PASD1: variants seen among roughly 807,000 people sequenced by gnomAD.
PASD1 encodes the protein circadian clock protein PASD1.
In PASD1, 13 loss-of-function variants were observed where a neutral mutation model predicts 58.8. That is an observed-to-expected ratio of 0.22 (90% CI 0.14 to 0.35). The LOEUF (loss-of-function observed/expected upper bound fraction) is 0.35, where lower values mean the gene tolerates loss of function less well. PASD1 is among the 10% of genes least tolerant of loss of function. PASD1 has a pLI of 1.00. For synonymous variants in PASD1, 236 were observed against 216.7 expected, an observed-to-expected ratio of 1.09 and a Z score of -0.78; for missense variants, 734 against 568.3, an observed-to-expected ratio of 1.29 and a Z score of -2.96.
rs780533404 is a variant in PASD1 at position 151,621,557 on chromosome X, T to C, written c.383T>C (p.Val128Ala). Residue 128 changes from valine to alanine, a missense_variant, in exon 6 of 16, where the codon GTG (valine) becomes GCG (alanine). Transcript: ENST00000370357. ...EHGDSSAYEN[V>A]KFIVNVRDIC... The stretch of plus-strand genomic sequence containing the variant: ...GGTGATAGTTCTGCTTACGAAAACG[T>C]GAAATTTATTGTGAATGTAAGAGAT... The C allele has an allele frequency of 2.2e-5, 27 of 1,201,464 alleles. No homozygotes were observed. Among genetic ancestry groups the C allele is most frequent in the Non-Finnish European group, 2.9e-5 (26 of 889,690 alleles).
chrX:151,644,418 C>G (rs1299326704), intron 8 of PASD1, among the ~76,000 whole-genome samples: 1 of 112,031 alleles, frequency 8.9e-6, no homozygotes, highest in Non-Finnish European at 1.9e-5. Context: ...TTTCAAGTCA[C>G]AAAACCCAGG....
chrX:151,669,176 G>GTA (rs773707851), intron 11 of PASD1, among the ~76,000 whole-genome samples: 2,454 of 101,436 alleles, frequency 0.024, 65 homozygotes, highest in African/African-American at 0.079. Context: ...ATGTGTGTGT[G>GTA]TATATATATA....
intron 4 of PASD1, among the ~76,000 whole-genome samples, chrX:151,615,799 T>A (rs2013630268): frequency 8.9e-6 from 1 of 112,387 alleles, no homozygotes; most frequent in Non-Finnish European, 1.9e-5. Flanking sequence ...TAGCTTTGTT[T>A]CTCTCTAACT....
intron 1 of PASD1, among the ~76,000 whole-genome samples, chrX:151,575,569 G>T (rs759248273): frequency 9.0e-6 from 1 of 111,421 alleles, no homozygotes; most frequent in African/African-American, 3.3e-5. Context: ...CTATGTACTT[G>T]TAATGGAAGT....
Position 151,659,751 on chromosome X carries a change from A to G in PASD1, c.756A>G (p.Pro252=). The G allele has an allele frequency of 8.3e-7, 1 of 1,202,996 alleles. No homozygotes were observed. Among genetic ancestry groups the G allele is most frequent in the Non-Finnish European group, 1.1e-6 (1 of 887,566 alleles). Residue 252 remains proline (P), a synonymous_variant, in exon 10 of 16, where the codon CCA becomes CCG. Transcript: ENST00000370357. ...TTGCAGAGGTTGAGCAGTATGGACCACAAGAAAACGTTCACATGTTTGTAG... is the reference window on the plus strand; with the variant it reads ...TTGCAGAGGTTGAGCAGTATGGACCGCAAGAAAACGTTCACATGTTTGTAG... The part of the protein sequence containing the change: ...IDIAEVEQYG[P]QENVHMFVDS...
At chrX:151,622,417 A>G (rs758593450) in intron 6 of PASD1, among the ~76,000 whole-genome samples, 1 of 111,161 alleles carries the variant, frequency 9.0e-6, no homozygotes, top group Non-Finnish European at 1.9e-5. Flanking sequence ...TCAGAATGGG[A>G]AAAATTAGAA....
intron 1 of PASD1, among the ~76,000 whole-genome samples, chrX:151,564,889 C>A (rs1463146409): frequency 9.0e-6 from 1 of 111,045 alleles, no homozygotes; most frequent in African/African-American, 3.3e-5. Flanking sequence ...AAACTTCCTT[C>A]AAAAATTACA....
intron 1 of PASD1, among the ~76,000 whole-genome samples, chrX:151,568,297 G>A (rs968370325): frequency 8.9e-6 from 1 of 111,744 alleles, no homozygotes; most frequent in African/African-American, 3.3e-5. Context: ...ACGTTGATGA[G>A]TTTTTCTTCT....
chrX:151,603,276 A>G (rs1257737695), intron 2 of PASD1, among the ~76,000 whole-genome samples: 1 of 112,610 alleles, frequency 8.9e-6, no homozygotes, highest in African/African-American at 3.2e-5. Context: ...CTTTAACAAC[A>G]GGTACTGAAT....
rs182928155 is a variant in PASD1 at position 151,630,133 on chromosome X, A to G, written c.629+4603A>G. ...TATCATGTAGGAAGTAAGATAGAAA[A>G]TGACACTTAGGGAAAAAGCGGATGC... On this transcript the variant is annotated intron_variant, in intron 8 of 15. Coordinates refer to ENST00000370357, the MANE Select transcript of PASD1 (RefSeq NM_173493.3). Among the ~76,000 whole-genome samples the G allele has an allele frequency of 2.4e-4, 27 of 112,362 alleles. No individual in the cohort carries two copies. In the East Asian group the frequency reaches 7.0e-3, roughly 29 times the overall value.
intron 8 of PASD1, among the ~76,000 whole-genome samples, chrX:151,630,497 C>T (rs1451116397): frequency 8.9e-6 from 1 of 112,343 alleles, no homozygotes; most frequent in East Asian, 2.8e-4. Flanking sequence ...AACCAGTACC[C>T]TATTGCTTGA....
chrX:151,649,582 G>A (rs2014105994), intron 9 of PASD1, among the ~76,000 whole-genome samples: 1 of 111,967 alleles, frequency 8.9e-6, no homozygotes, highest in South Asian at 3.8e-4. Flanking sequence ...ATAATAGAAT[G>A]AAACCTCTGT....
chrX:151,636,638 A>G (rs2013934311), intron 8 of PASD1, among the ~76,000 whole-genome samples: 1 of 111,730 alleles, frequency 9.0e-6, no homozygotes, highest in Non-Finnish European at 1.9e-5. Context: ...TCCTTACCTC[A>G]GGTGATCCAC....
At chrX:151,662,564 T>G (rs1386753295) in intron 10 of PASD1, among the ~76,000 whole-genome samples, 4 of 111,341 alleles carry the variant, frequency 3.6e-5, no homozygotes. Flanking sequence ...AGGAAAGATG[T>G]CTATTCATAC....
At chrX:151,663,458 A>G (rs73239684) in intron 10 of PASD1, among the ~76,000 whole-genome samples, 29,810 of 111,435 alleles carry the variant, frequency 0.27, 3,639 homozygotes, top group Non-Finnish European at 0.39. Flanking sequence ...CCTGTAAAAG[A>G]ACATCTGGAT....
intron 1 of PASD1, among the ~76,000 whole-genome samples, chrX:151,597,317 T>C (rs1417891089): frequency 8.9e-6 from 1 of 112,321 alleles, no homozygotes; most frequent in Admixed American, 9.4e-5. Flanking sequence ...TTATTTTCTG[T>C]GGATGGATTT....
rs146794038 is a variant in PASD1, at chrX:151,608,450, T to C, written c.118-3214T>C. Among the ~76,000 whole-genome samples, 88 of 111,882 alleles carry C rather than the reference T, an allele frequency of 7.9e-4. 1 individual carries two copies. Among genetic ancestry groups the C allele is most frequent in the Non-Finnish European group, 1.2e-3 (65 of 53,147 alleles). On this transcript the variant is annotated intron_variant, in intron 3 of 15. Transcript: ENST00000370357. ...CTGGAAACGAATCACTTGCTAGTTATGTGTTGCAAAATTCTTGTTCTAGTT... is the reference window on the plus strand; with the variant it reads ...CTGGAAACGAATCACTTGCTAGTTACGTGTTGCAAAATTCTTGTTCTAGTT...
chrX:151,621,368 A>AG (rs2013706427), intron 5 of PASD1, 114 bp from the exon 6 acceptor site: 1 of 596,475 alleles, frequency 1.7e-6, no homozygotes, highest in Admixed American at 3.9e-5. Flanking sequence ...TGGAAAGAAA[A>AG]TAATATTTTT....
intron 1 of PASD1, among the ~76,000 whole-genome samples, chrX:151,593,783 T>C (rs1017564463): frequency 1.8e-5 from 2 of 111,187 alleles, no homozygotes; most frequent in Admixed American, 9.6e-5. Flanking sequence ...CTGGGTCAAA[T>C]GGTATTTCTA....
Sources: allele counts gnomAD v4.1 joint callset (sites outside exome capture counted in the v4.1 genomes callset), GRCh38; gene constraint gnomAD v4.1.1; transcripts MANE v1.5; gene names NCBI Gene and HGNC (gene_info 2026-07-23, HGNC 2026-07-21).